Variants in FKBP6 observed in about 807,000 individuals in gnomAD.
FKBP6 encodes inactive peptidyl-prolyl cis-trans isomerase FKBP6.
FKBP6 carries 29 observed loss-of-function variants against 41.7 expected under a neutral mutation model. The observed-to-expected ratio is 0.70, with a 90% confidence interval of 0.52 to 0.95. FKBP6 has a LOEUF of 0.95. FKBP6 is among the 40% of genes least tolerant of loss of function. FKBP6 has a pLI of 0.00. For missense variants in FKBP6, 338 were observed against 408.7 expected, an observed-to-expected ratio of 0.83 and a Z score of 1.49; for synonymous variants, 130 against 165.1, an observed-to-expected ratio of 0.79 and a Z score of 1.63.
intron 6 of FKBP6, 145 bp downstream of exon 6, chr7:73,340,977 G>A (rs1486441889): frequency 8.4e-6 from 6 of 716,616 alleles, no homozygotes; most frequent in African/African-American, 3.7e-5. Context: ...AGGATGGAGT[G>A]CAGTGGCGCA....
At chr7:73,343,017 T>A in intron 8 of FKBP6, 118 bp downstream of exon 8, 2 of 767,104 alleles carry the variant, frequency 2.6e-6, no homozygotes, top group Non-Finnish European at 4.7e-6. Context: ...GTAGACAAGT[T>A]CCTTGCTGTA....
chr7:73,341,418 G>C, intron 7 of FKBP6, 36 bp downstream of exon 7: 1 of 1,267,178 alleles, frequency 7.9e-7, no homozygotes, highest in South Asian at 1.2e-5. Context: ...AGAGAGATGG[G>C]TGGGGTTGTG....
chr7:73,336,807 A>G (rs1419542028), intron 5 of FKBP6: 2 of 456,538 alleles, frequency 4.4e-6, no homozygotes, highest in Admixed American at 2.3e-5. Flanking sequence ...GGGTCCAGGA[A>G]TGTGTTAAAG....
At position 73,358,002 on chromosome 7, in the gene FKBP6, A is replaced by AG. The variant is rs1416713405; in HGVS notation, c.*3-178dup. ...GCTCTGTCTCAAAAAAAAAAAAAAA[A>AG]GTTTCCCAGAGCCCATCTAGTAGGG... On this transcript the variant is annotated intron_variant, in intron 8 of 8. Coordinates refer to ENST00000252037, the MANE Select transcript of FKBP6 (RefSeq NM_003602.5). Among the ~76,000 whole-genome samples, 65 of 149,190 alleles carry AG rather than the reference A, an allele frequency of 4.4e-4. 1 individual carries two copies. The highest frequency in any genetic ancestry group is 5.0e-4 in the Non-Finnish European group (34 of 67,442).
In FKBP6 at chr7:73,328,831, C is replaced by T. The variant is rs570929250; in HGVS notation, c.175+139C>T. On this transcript the variant is annotated intron_variant, in intron 2 of 8. Transcript: ENST00000252037. ...GGATTTTTGTTTTTTGTTTTTGAAA[C>T]GGGGTCTTGCTCAGTTGCCCAGGCT... The T allele has an allele frequency of 6.6e-5, 98 of 1,482,336 alleles. 1 individual carries two copies. In the South Asian group the frequency reaches 1.1e-3, roughly 17 times the overall value. The allele number at this position is 1,482,336 out of a possible 1,614,324, so 91.8% of individuals were successfully genotyped here.
rs536481910 is a variant in FKBP6 at position 73,343,995 on chromosome 7, C to T, written c.*2+1096C>T. Among the ~76,000 whole-genome samples, 3 of 152,320 alleles carry T rather than the reference C, an allele frequency of 2.0e-5. No homozygotes were observed. In the East Asian group the frequency reaches 5.8e-4, roughly 29 times the overall value. On this transcript the variant is annotated intron_variant, in intron 8 of 8. Coordinates refer to ENST00000252037, the MANE Select transcript of FKBP6 (RefSeq NM_003602.5). ...TGCTATCTGCACTTTCAGATGCGCCCACCAGCATCACAGGTAAATGTTGCC... is the reference window on the plus strand; with the variant it reads ...TGCTATCTGCACTTTCAGATGCGCCTACCAGCATCACAGGTAAATGTTGCC...
chr7:73,348,448 C>G (rs1422482219), intron 8 of FKBP6, among the ~76,000 whole-genome samples: 16 of 152,190 alleles, frequency 1.1e-4, no homozygotes, highest in African/African-American at 3.6e-4. Flanking sequence ...AGCAGGGAAG[C>G]CTATTTCCTT....
At chr7:73,340,912 G>C in intron 6 of FKBP6, 80 bp downstream of exon 6, 2 of 745,412 alleles carry the variant, frequency 2.7e-6, no homozygotes. Flanking sequence ...CTGCAAAAAT[G>C]CTGTCTTTTT....
At chr7:73,329,485 GT>G (rs1554547151) in intron 3 of FKBP6, 36 bp downstream of exon 3, 4 of 1,271,978 alleles carry the variant, frequency 3.1e-6, no homozygotes, top group Non-Finnish European at 4.6e-6. Flanking sequence ...AGAAGGAATT[GT>G]TTAGGGGCTA....
chr7:73,330,882 T>C (rs1804819826), intron 4 of FKBP6, among the ~76,000 whole-genome samples: 2 of 152,184 alleles, frequency 1.3e-5, no homozygotes, highest in Non-Finnish European at 2.9e-5. Context: ...CTTAACCCTG[T>C]CCCGTAGATG....
intron 8 of FKBP6, among the ~76,000 whole-genome samples, chr7:73,355,855 A>G (rs1805615974): frequency 6.6e-6 from 1 of 152,062 alleles, no homozygotes; most frequent in African/African-American, 2.4e-5. Flanking sequence ...TCACGAGGTC[A>G]GGAGATCGAG....
intron 8 of FKBP6, among the ~76,000 whole-genome samples, chr7:73,353,387 A>T (rs1262830099): frequency 6.6e-6 from 1 of 152,164 alleles, no homozygotes; most frequent in Non-Finnish European, 1.5e-5. Context: ...TCTGTGAGGG[A>T]CTACACATCT....
intron 8 of FKBP6, among the ~76,000 whole-genome samples, chr7:73,354,497 G>A (rs1170534397): frequency 2.0e-5 from 3 of 152,208 alleles, no homozygotes; most frequent in African/African-American, 4.8e-5. Flanking sequence ...CCAGCAGGCC[G>A]GAGGACTGCC....
intron 5 of FKBP6, 147 bp from the exon 6 acceptor site, chr7:73,340,491 A>G: frequency 2.8e-6 from 2 of 709,820 alleles, no homozygotes; most frequent in Non-Finnish European, 2.5e-6. Context: ...AAGAAAAAAG[A>G]AATATACCTG....
chr7:73,357,540 G>A lies in FKBP6; in HGVS notation c.*3-641G>A, dbSNP rs538947912. The stretch of plus-strand genomic sequence containing the variant: ...CTCCCAAACTGCTTTGATTACAGGT[G>A]TGAGCCAATGCGCCTGGCACCACCT... On this transcript the variant is annotated intron_variant, in intron 8 of 8. Coordinates refer to ENST00000252037, the MANE Select transcript of FKBP6 (RefSeq NM_003602.5). 5.3e-5 allele frequency among the ~76,000 whole-genome samples: 8 copies of A among 150,118 alleles called. No homozygotes were observed. The East Asian group carries it at 1.4e-3, about 26-fold the overall frequency.
chr7:73,341,602 C>T (rs1583812501), intron 7 of FKBP6, among the ~76,000 whole-genome samples: 2 of 150,426 alleles, frequency 1.3e-5, no homozygotes, highest in South Asian at 2.1e-4. Context: ...TCTCCATCAT[C>T]GCCCACCTTT....
At chr7:73,354,147 A>C (rs542293894) in intron 8 of FKBP6, among the ~76,000 whole-genome samples, 1 of 152,226 alleles carries the variant, frequency 6.6e-6, no homozygotes, top group South Asian at 2.1e-4. Context: ...CCCACCCCCA[A>C]AACCGGGAGG....
In FKBP6 at chr7:73,331,649, G is replaced by A; in HGVS notation, c.469-8G>A. 1 of 1,613,858 alleles carries A rather than the reference G, an allele frequency of 6.2e-7. No homozygotes were observed. Among genetic ancestry groups the A allele is most frequent in the Non-Finnish European group, 8.5e-7 (1 of 1,179,874 alleles). On this transcript the variant is annotated splice_polypyrimidine_tract_variant and splice_region_variant and intron_variant, in intron 4 of 8. Coordinates refer to ENST00000252037, the MANE Select transcript of FKBP6 (RefSeq NM_003602.5). ...TCCTTGCTGAATATTCCTGTCTCTGGTCCTCAGGAGCAGCAAGACCAATTT... is the reference window on the plus strand; with the variant it reads ...TCCTTGCTGAATATTCCTGTCTCTGATCCTCAGGAGCAGCAAGACCAATTT...
chr7:73,331,157 G>A lies in FKBP6; in HGVS notation c.469-500G>A, dbSNP rs546923546. On this transcript the variant is annotated intron_variant, in intron 4 of 8. Transcript: ENST00000252037. The stretch of plus-strand genomic sequence containing the variant: ...GGCCGGGACCAGAGAGGCTCTATGG[G>A]TGACTCTGAAGATGGCCAGGGCAGA... Among the ~76,000 whole-genome samples the A allele has an allele frequency of 5.9e-5, 9 of 152,334 alleles. No individual in the cohort carries two copies. The East Asian group carries it at 1.7e-3, about 29-fold the overall frequency.
Sources: allele counts gnomAD v4.1 joint callset (sites outside exome capture counted in the v4.1 genomes callset), GRCh38; gene constraint gnomAD v4.1.1; transcripts MANE v1.5; gene names NCBI Gene and HGNC (gene_info 2026-07-23, HGNC 2026-07-21).